Variants in DNAH2 observed in about 807,000 individuals in gnomAD.
The protein encoded by DNAH2 is axonemal beta dynein heavy chain 2.
A neutral mutation model predicts 523.5 loss-of-function variants in DNAH2; 323 were observed. The ratio of observed to expected loss-of-function variants is 0.62; its 90% CI spans 0.56 to 0.68. The LOEUF (loss-of-function observed/expected upper bound fraction) is 0.68. DNAH2 is among the 30% of genes least tolerant of loss of function. DNAH2 has a pLI of 0.00. For synonymous variants in DNAH2, 2,093 were observed against 2,177.4 expected, an observed-to-expected ratio of 0.96 and a Z score of 1.08; for missense variants, 4,907 against 5,701.5, an observed-to-expected ratio of 0.86 and a Z score of 4.49.
chr17:7,763,368 G>C (rs1190211797), intron 18 of DNAH2, among the ~76,000 whole-genome samples: 2 of 152,004 alleles, frequency 1.3e-5, no homozygotes, highest in Non-Finnish European at 2.9e-5. Context: ...CCGTGGTCTC[G>C]ATCTCCTGAC....
At chr17:7,770,497 C>T in intron 25 of DNAH2, 60 bp from the exon 26 acceptor site, 1 of 1,613,192 alleles carries the variant, frequency 6.2e-7, no homozygotes, top group Non-Finnish European at 8.5e-7. Context: ...CGCCTCTCAG[C>T]TCCTGTTCCC....
In DNAH2 at chr17:7,779,282, A is replaced by G; in HGVS notation, c.5581A>G (p.Asn1861Asp). 6.2e-7 allele frequency: 1 copy of G among 1,614,166 alleles called. No individual in the cohort carries two copies. The change falls in exon 36 of 86, where the codon AAC becomes GAC. Residue 1861 changes from asparagine to aspartate, a missense_variant. By Grantham distance (23) the Asn-to-Asp change is conservative. Around this residue, in one of 3 missense-constraint regions of DNAH2, gnomAD observed 2,806 missense variants for 3,190.8 expected, o/e 0.88. Transcript: ENST00000572933. ...CTGCTTTGATGAGTTTAACCGCATC[A>G]ACATCGAGGTGCTGTCAGTGGTGGC... is the stretch of plus-strand genomic sequence containing the variant. ...WGCFDEFNRI[N>D]IEVLSVVAHQ...
Position 7,786,287 on chromosome 17 carries a change from A to T in DNAH2, c.6293A>T (p.Gln2098Leu). ...AAGACTGCCTCATGGCGCATTCTAC[A>T]GGCCTCCCTGTCCTCTCTGTGCCGC... Reference protein sequence around the residue: ...SGKTASWRILQASLSSLCRAG... With the variant: ...SGKTASWRILLASLSSLCRAG... The change falls in exon 40 of 86, where the codon CAG becomes CTG. Residue 2098 changes from glutamine to leucine, a missense_variant. Gln to Leu is a moderately radical substitution (Grantham distance 113). Coordinates refer to ENST00000572933, the MANE Select transcript of DNAH2 (RefSeq NM_020877.5). The surrounding 1 kb of genome is among the most constrained non-coding windows in gnomAD (Gnocchi z 7.5). 1 of 1,613,894 alleles carries T rather than the reference A, an allele frequency of 6.2e-7. No individual in the cohort carries two copies. The highest frequency in any genetic ancestry group is 1.1e-5 in the South Asian group (1 of 91,076).
intron 12 of DNAH2, among the ~76,000 whole-genome samples, chr17:7,745,140 G>A (rs1301948979): frequency 6.6e-6 from 1 of 151,792 alleles, no homozygotes; most frequent in African/African-American, 2.4e-5. Context: ...GATTACAGGC[G>A]CCCGCCACCA....
chr17:7,784,276 T>C (rs2076677403), intron 39 of DNAH2, among the ~76,000 whole-genome samples: 1 of 152,212 alleles, frequency 6.6e-6, no homozygotes, highest in South Asian at 2.1e-4. Context: ...GAGAGCTTAA[T>C]ATTTCTTAAT....
Position 7,742,941 on chromosome 17 carries a change from C to T in DNAH2, c.1703C>T (p.Ala568Val). The T allele has an allele frequency of 6.8e-7, 1 of 1,466,322 alleles. No homozygotes were observed. The allele number at this position is 1,466,322 out of a possible 1,614,324, so 90.8% of individuals were successfully genotyped here. ...TCTTCCCCTCAGTGCCTTGCTGGTG[C>T]TCATTTCCTGCCCCGTATTGGGACT... is the stretch of plus-strand genomic sequence containing the variant. ...IDRVMTCLAG[A>V]HFLPRIGTGK... is the part of the protein sequence containing the mutation. Residue 568 changes from alanine (A) to valine (V), a missense_variant, in exon 12 of 86, where the codon GCT (alanine) becomes GTT (valine). Around this residue, in one of 3 missense-constraint regions of DNAH2, gnomAD observed 2,806 missense variants for 3,190.8 expected, o/e 0.88. Coordinates refer to ENST00000572933, the MANE Select transcript of DNAH2 (RefSeq NM_020877.5).
chr17:7,785,692 C>T (rs987556891), intron 39 of DNAH2, among the ~76,000 whole-genome samples: 18 of 152,296 alleles, frequency 1.2e-4, no homozygotes, highest in African/African-American at 4.1e-4. Flanking sequence ...TACTATTAAA[C>T]GGGCTCTTCC....
chr17:7,791,426 G>T (rs757643024), intron 44 of DNAH2, among the ~76,000 whole-genome samples: 2 of 152,106 alleles, frequency 1.3e-5, no homozygotes, highest in Non-Finnish European at 2.9e-5. Flanking sequence ...CAACATGTCC[G>T]TTAAATTAAC....
intron 2 of DNAH2, 96 bp from the exon 3 acceptor site, chr17:7,723,532 A>G (rs1345686175): frequency 2.4e-5 from 24 of 1,003,066 alleles, no homozygotes; most frequent in Non-Finnish European, 1.1e-5. Flanking sequence ...TAGTACTCCC[A>G]AAGTGCTAGG....
At chr17:7,725,115 A>G (rs987295161) in intron 3 of DNAH2, among the ~76,000 whole-genome samples, 4 of 147,678 alleles carry the variant, frequency 2.7e-5, no homozygotes, top group African/African-American at 1.0e-4. Flanking sequence ...TTTGAGACAG[A>G]GTCTTGGTCT....
chr17:7,822,353 C>T (rs776608722), intron 73 of DNAH2, among the ~76,000 whole-genome samples: 1 of 152,198 alleles, frequency 6.6e-6, no homozygotes, highest in Non-Finnish European at 1.5e-5. Context: ...CCCCACTCCA[C>T]TCCAGCCACG....
chr17:7,757,042 T>C, intron 12 of DNAH2, 49 bp from the exon 13 acceptor site: 1 of 1,609,698 alleles, frequency 6.2e-7, no homozygotes, highest in African/African-American at 1.3e-5. Context: ...GTTGCTCTAG[T>C]TTATCCCCTC....
At chr17:7,751,753 C>T (rs1339464706) in intron 12 of DNAH2, among the ~76,000 whole-genome samples, 2 of 151,978 alleles carry the variant, frequency 1.3e-5, no homozygotes, top group African/African-American at 2.4e-5. Context: ...CAGAGTTTTC[C>T]AGGCTATATT....
intron 21 of DNAH2, among the ~76,000 whole-genome samples, chr17:7,765,921 G>A (rs959655763): frequency 6.6e-6 from 1 of 152,000 alleles, no homozygotes. Flanking sequence ...TGGGACTACA[G>A]GCACATGCCA....
chr17:7,762,009 G>A (rs753058875), intron 18 of DNAH2, among the ~76,000 whole-genome samples: 1 of 152,134 alleles, frequency 6.6e-6, no homozygotes, highest in Non-Finnish European at 1.5e-5. Context: ...GTGGTGTCAC[G>A]AGAAGACTTG....
chr17:7,729,638 C>A (rs553341803), intron 4 of DNAH2, among the ~76,000 whole-genome samples: 26 of 152,254 alleles, frequency 1.7e-4, no homozygotes, highest in Admixed American at 1.4e-3. Flanking sequence ...CCATGTTGGT[C>A]AGGCTGGTCT....
chr17:7,782,874 A>G (rs2076638100), intron 39 of DNAH2, among the ~76,000 whole-genome samples: 1 of 152,108 alleles, frequency 6.6e-6, no homozygotes, highest in East Asian at 1.9e-4. Flanking sequence ...GCTACTAGAA[A>G]AACGTGCTCT....
In DNAH2 at chr17:7,759,485, C is replaced by T. The variant is rs2075943851; in HGVS notation, c.2512C>T (p.Leu838=). The change falls in exon 16 of 86, where the codon CTG becomes TTG. Residue 838 remains leucine (L), a synonymous_variant. Transcript: ENST00000572933. ...LDRMMEDALR[L]NVKWSLLELS... is the part of the protein sequence containing the mutation. ...CCGCATGATGGAGGATGCCCTGCGCCTGAATGTGAAGTGGTCACTGCTAGA... is the reference window on the plus strand; with the variant it reads ...CCGCATGATGGAGGATGCCCTGCGCTTGAATGTGAAGTGGTCACTGCTAGA... 1 of 1,614,040 alleles carries T rather than the reference C, an allele frequency of 6.2e-7. No homozygotes were observed. Among genetic ancestry groups the T allele is most frequent in the African/African-American group, 1.3e-5 (1 of 74,912 alleles).
Position 7,832,583 on chromosome 17 carries a change from A to G in DNAH2, c.12731A>G (p.Tyr4244Cys). 1 of 1,613,764 alleles carries G rather than the reference A, an allele frequency of 6.2e-7. No homozygotes were observed. The highest frequency in any genetic ancestry group is 8.5e-7 in the Non-Finnish European group (1 of 1,179,914). Reference sequence around the variant, plus strand: ...ACACACGCACTCCTTCCCCAGGCATACCCCTCACAAAAGCCATTGGCTGCC... The same window carrying G: ...ACACACGCACTCCTTCCCCAGGCATGCCCCTCACAAAAGCCATTGGCTGCC... ...AHVPPLWGKA[Y>C]PSQKPLAAWT... is the part of the protein sequence containing the mutation. The change falls in exon 83 of 86, where the codon TAC (tyrosine) becomes TGC (cysteine). Residue 4244 changes from tyrosine to cysteine, a missense_variant. Tyr to Cys is a radical substitution (Grantham distance 194). Transcript: ENST00000572933. This position sits in a 1 kb window ranked among gnomAD's most constrained non-coding sequence, Gnocchi z 4.3.
Sources: allele counts gnomAD v4.1 joint callset (sites outside exome capture counted in the v4.1 genomes callset), GRCh38; gene constraint gnomAD v4.1.1; regional missense constraint gnomAD v4.1.1; non-coding constraint Gnocchi (gnomAD v3.1); transcripts MANE v1.5; gene names NCBI Gene and HGNC (gene_info 2026-07-23, HGNC 2026-07-21).